The following TRPM6 variants were observed in gnomAD, a reference collection of about 807,000 sequenced individuals.
The protein encoded by TRPM6 is channel kinase 2.
In TRPM6, 111 loss-of-function variants were observed where a neutral mutation model predicts 247.6. That is an observed-to-expected ratio of 0.45 (90% CI 0.38 to 0.52). The LOEUF is 0.52. Among genes scored for constraint, TRPM6 ranks in the 20% least tolerant of loss-of-function variants. The pLI is 0.00. For missense variants in TRPM6, 2,126 were observed against 2,421.5 expected, an observed-to-expected ratio of 0.88 and a Z score of 2.56; for synonymous variants, 892 against 853.8, an observed-to-expected ratio of 1.04 and a Z score of -0.78.
chr9:74,842,108 TC>T lies in TRPM6; in HGVS notation c.330+57del, dbSNP rs1199723003. The T allele has an allele frequency of 4.4e-5, 67 of 1,538,836 alleles. No individual in the cohort carries two copies. The African/African-American group carries it at 6.9e-4, about 16-fold the overall frequency. On this transcript the variant is annotated intron_variant, in intron 4 of 38. Coordinates refer to ENST00000360774, the MANE Select transcript of TRPM6 (RefSeq NM_017662.5). ...CCTGGGCAACAAGAGCAAAACCCCG[TC>T]TCGAAAAAAAAAAAAAAAGAAAGAA...
At chr9:74,843,326 T>C (rs1046273508) in intron 3 of TRPM6, among the ~76,000 whole-genome samples, 10 of 152,154 alleles carry the variant, frequency 6.6e-5, no homozygotes, top group African/African-American at 2.4e-4. Context: ...TCCATGAAAG[T>C]TGGGATCAGC....
rs558057908 is a variant in TRPM6 at position 74,727,155 on chromosome 9, G to A, written c.5935+1084C>T. Among the ~76,000 whole-genome samples the A allele has an allele frequency of 1.6e-4, 24 of 152,128 alleles. No homozygotes were observed. The South Asian group carries it at 3.1e-3, about 20-fold the overall frequency. ...CCAGCACTTTGGGGAGGCCGAGGTG[G>A]GTGGATCATGAGGTCAGGAGATCAA... On this transcript the variant is annotated intron_variant, in intron 38 of 38. Transcript: ENST00000360774.
intron 28 of TRPM6, among the ~76,000 whole-genome samples, chr9:74,753,520 A>T (rs1434946300): frequency 6.6e-6 from 1 of 152,054 alleles, no homozygotes; most frequent in Non-Finnish European, 1.5e-5. Context: ...ACATAGTGAG[A>T]CCCCCATCTC....
intron 38 of TRPM6, among the ~76,000 whole-genome samples, chr9:74,725,021 A>G: frequency 6.6e-6 from 1 of 152,204 alleles, no homozygotes. Context: ...CCTATAAGGC[A>G]TAATCTGGCC....
At chr9:74,800,904 G>GC (rs1828306568) in intron 16 of TRPM6, among the ~76,000 whole-genome samples, 1 of 110,524 alleles carries the variant, frequency 9.0e-6, no homozygotes. Context: ...AATAAAGTGT[G>GC]TTTTTTTTTT....
chr9:74,880,947 A>G (rs1831341940), intron 1 of TRPM6, among the ~76,000 whole-genome samples: 1 of 152,212 alleles, frequency 6.6e-6, no homozygotes, highest in African/African-American at 2.4e-5. Flanking sequence ...GTGAAACTAA[A>G]TGGATTAAAT....
chr9:74,741,801 A>G (rs1474893740), intron 33 of TRPM6, among the ~76,000 whole-genome samples: 1 of 152,064 alleles, frequency 6.6e-6, no homozygotes, highest in Non-Finnish European at 1.5e-5. Flanking sequence ...GAGGCAGGAG[A>G]ATCACTTGAA....
In TRPM6 at chr9:74,887,889, G is replaced by A; in HGVS notation, c.-33C>T. Reference sequence around the variant, plus strand: ...TTGCAGGCCCTGCTCCCAAAGCCCTGTCTGAGCTTTTAACTGTGGAGGCAG... The same window carrying A: ...TTGCAGGCCCTGCTCCCAAAGCCCTATCTGAGCTTTTAACTGTGGAGGCAG... On this transcript the variant is annotated 5_prime_UTR_variant, in exon 1 of 39. Coordinates refer to ENST00000360774, the MANE Select transcript of TRPM6 (RefSeq NM_017662.5). 1 of 1,613,886 alleles carries A rather than the reference G, an allele frequency of 6.2e-7. No homozygotes were observed. Among genetic ancestry groups the A allele is most frequent in the Non-Finnish European group, 8.5e-7 (1 of 1,179,986 alleles).
chr9:74,855,671 G>A (rs985703237), intron 2 of TRPM6, 106 bp from the exon 3 acceptor site: 3 of 827,886 alleles, frequency 3.6e-6, no homozygotes, highest in Non-Finnish European at 6.2e-6. Flanking sequence ...AGAAATCAAG[G>A]TTTGCTGAAA....
intron 1 of TRPM6, among the ~76,000 whole-genome samples, chr9:74,884,997 G>A (rs1253910779): frequency 6.6e-6 from 1 of 152,218 alleles, no homozygotes; most frequent in Non-Finnish European, 1.5e-5. Flanking sequence ...AGTCTGGACT[G>A]GCAAAGCAGG....
In TRPM6 at chr9:74,771,384, C is replaced by G. The variant is rs7027905; in HGVS notation, c.3536+319G>C. ...TGGTTCCTTACTTAGGTTTTGTTCT[C>G]CATCCACTTCATTTCTCTCACCACC... On this transcript the variant is annotated intron_variant, in intron 25 of 38. Transcript: ENST00000360774. 0.043 allele frequency among the ~76,000 whole-genome samples: 6,568 copies of G among 152,234 alleles called. 475 individuals are homozygous for G. The highest frequency in any genetic ancestry group is 0.15 in the African/African-American group (6,256 of 41,494).
At chr9:74,783,848 T>C (rs534122330) in intron 21 of TRPM6, among the ~76,000 whole-genome samples, 5 of 152,066 alleles carry the variant, frequency 3.3e-5, no homozygotes, top group African/African-American at 9.7e-5. Context: ...TACCCTTCAA[T>C]CTCCAGAACT....
At chr9:74,886,502 T>C (rs1831532333) in intron 1 of TRPM6, among the ~76,000 whole-genome samples, 2 of 151,312 alleles carry the variant, frequency 1.3e-5, no homozygotes, top group South Asian at 2.1e-4. Flanking sequence ...GTTCTCAGTG[T>C]CTTTTTTTCT....
At chr9:74,820,475 G>C (rs1433096199) in intron 8 of TRPM6, 48 bp from the exon 9 acceptor site, 1 of 1,612,116 alleles carries the variant, frequency 6.2e-7, no homozygotes, top group African/African-American at 1.3e-5. Context: ...AGGGGAATGA[G>C]CCGGCAACAT....
intron 5 of TRPM6, among the ~76,000 whole-genome samples, chr9:74,838,100 G>C (rs1373746552): frequency 6.6e-6 from 1 of 151,974 alleles, no homozygotes; most frequent in Non-Finnish European, 1.5e-5. Context: ...CATTTCTTTT[G>C]TTTATATGAA....
Position 74,727,700 on chromosome 9 carries a change from A to C in TRPM6, c.5935+539T>G. Among the ~76,000 whole-genome samples the C allele has an allele frequency of 1.3e-5, 2 of 152,120 alleles. 1 individual carries two copies. Among genetic ancestry groups the C allele is most frequent in the East Asian group, 3.9e-4 (2 of 5,180 alleles). ...TCCAGCTGCTTGCTTTTATAGTAGG[A>C]ATTTTTAAGTATGTCATATTATCAA... On this transcript the variant is annotated intron_variant, in intron 38 of 38. Transcript: ENST00000360774.
chr9:74,810,546 T>G (rs1007984490), intron 13 of TRPM6, among the ~76,000 whole-genome samples: 2 of 152,218 alleles, frequency 1.3e-5, no homozygotes, highest in African/African-American at 2.4e-5. Context: ...GAAGTTCTGA[T>G]TAGAAGCATT....
chr9:74,833,898 C>T (rs2118122385), intron 6 of TRPM6, 100 bp downstream of exon 6: 2 of 1,493,734 alleles, frequency 1.3e-6, no homozygotes, highest in Non-Finnish European at 1.9e-6. Context: ...GAATATATTA[C>T]ATCTGTAATG....
intron 1 of TRPM6, among the ~76,000 whole-genome samples, chr9:74,861,688 T>C (rs2118384107): frequency 6.6e-6 from 1 of 152,334 alleles, no homozygotes; most frequent in South Asian, 2.1e-4. Flanking sequence ...CTGGGACTTA[T>C]TAAGTCTGAA....
Sources: gnomAD v4.1 joint callset for allele counts (sites outside exome capture counted in the v4.1 genomes callset) on GRCh38, gnomAD v4.1.1 for gene constraint, MANE v1.5 for transcripts, NCBI Gene and HGNC (gene_info 2026-07-23, HGNC 2026-07-21) for gene names.